The following CC2D2B variants were observed in gnomAD, a reference collection of about 807,000 sequenced individuals.
CC2D2B encodes the protein coiled-coil and C2 domain containing 2B.
Under a neutral mutation model 161.2 loss-of-function variants are expected in CC2D2B, and 128 were observed. The observed-to-expected ratio is 0.79, with a 90% CI of 0.69 to 0.92. CC2D2B has a LOEUF of 0.92. Among genes scored for constraint, CC2D2B ranks in the 40% least tolerant of loss-of-function variants. The pLI, the probability that CC2D2B is intolerant of heterozygous loss-of-function variation, is 0.00. For missense variants in CC2D2B, 1,173 were observed against 1,375.1 expected (o/e 0.85, Z 2.32); for synonymous variants, 391 against 449.8 (o/e 0.87, Z 1.65).
chr10:95,923,492 CT>C (rs1461032165), intron 3 of CC2D2B, among the ~76,000 whole-genome samples: 2 of 152,212 alleles, frequency 1.3e-5, no homozygotes, highest in Non-Finnish European at 2.9e-5. Context: ...ACTTATCACT[CT>C]TCTTTTTTAG....
chr10:95,909,132 C>T (rs1242921854), intron 1 of CC2D2B, among the ~76,000 whole-genome samples: 1 of 152,140 alleles, frequency 6.6e-6, no homozygotes, highest in Non-Finnish European at 1.5e-5. Flanking sequence ...CCGTTTGTTC[C>T]TAAGTTTTGA....
chr10:96,000,333 T>TAATAAATA (rs3030829), intron 24 of CC2D2B: 2,651 of 241,600 alleles, frequency 0.011, 34 homozygotes, highest in East Asian at 0.025. Flanking sequence ...TATTTATTTA[T>TAATAAATA]AATAAATAAA....
At chr10:95,924,259 T>G in intron 3 of CC2D2B, 55 bp from the exon 4 acceptor site, 1 of 894,966 alleles carries the variant, frequency 1.1e-6, no homozygotes, top group Non-Finnish European at 1.7e-6. Flanking sequence ...GCTGCTATTG[T>G]TGTTTAATTA....
chr10:95,909,464 A>G (rs1467321184), intron 1 of CC2D2B, among the ~76,000 whole-genome samples: 2 of 152,256 alleles, frequency 1.3e-5, no homozygotes, highest in Admixed American at 1.3e-4. Context: ...AAACATTGCT[A>G]TAAGAGAGTT....
intron 10 of CC2D2B, among the ~76,000 whole-genome samples, chr10:95,954,198 T>C (rs1034669107): frequency 5.9e-5 from 9 of 152,334 alleles, no homozygotes; most frequent in African/African-American, 1.4e-4. Flanking sequence ...TGTATTTGTG[T>C]ATGTGTATAC....
At chr10:95,998,312 G>T (rs1454943138) in intron 24 of CC2D2B, among the ~76,000 whole-genome samples, 1 of 152,034 alleles carries the variant, frequency 6.6e-6, no homozygotes, top group African/African-American at 2.4e-5. Context: ...TACTCTTGGT[G>T]TTGTACATTC....
At chr10:95,955,913 C>T (rs2076553056) in intron 11 of CC2D2B, among the ~76,000 whole-genome samples, 2 of 152,100 alleles carry the variant, frequency 1.3e-5, no homozygotes, top group Admixed American at 1.3e-4. Context: ...AGTTGGGAGC[C>T]ATTGGCTTAT....
intron 26 of CC2D2B, among the ~76,000 whole-genome samples, chr10:96,011,871 T>A (rs1278588695): frequency 6.6e-6 from 1 of 152,198 alleles, no homozygotes; most frequent in African/African-American, 2.4e-5. Flanking sequence ...ATCTTTTAAC[T>A]TCTTCTCTGA....
At chr10:95,934,599 C>G (rs11188528) in intron 6 of CC2D2B, among the ~76,000 whole-genome samples, 2,338 of 152,242 alleles carry the variant, frequency 0.015, 25 homozygotes, top group Non-Finnish European at 0.027. Flanking sequence ...GAAAAGTGTT[C>G]CTCATGGCAC....
In CC2D2B at chr10:96,025,182, T is replaced by TA. The variant is rs1564684164; in HGVS notation, c.3947+272dup. Among the ~76,000 whole-genome samples, 27 of 13,568 alleles carry TA rather than the reference T, an allele frequency of 2.0e-3. 1 individual carries two copies. Among genetic ancestry groups the TA allele is most frequent in the African/African-American group, 6.8e-3 (23 of 3,396 alleles). The allele number at this position is 13,568 out of a possible 152,430, so 8.9% of individuals were successfully genotyped here. On this transcript the variant is annotated intron_variant, in intron 33 of 34. Transcript: ENST00000646931. ...ATATATATATATATATATATATATA[T>TA]ATAAAAAAAAATATATATATATATA...
intron 9 of CC2D2B, among the ~76,000 whole-genome samples, chr10:95,947,082 A>AAT (rs1297977316): frequency 0.028 from 1,105 of 39,464 alleles, 74 homozygotes; most frequent in Middle Eastern, 0.043. Context: ...TGGACTCAAA[A>AAT]ATATATATAT....
intron 26 of CC2D2B, among the ~76,000 whole-genome samples, chr10:96,010,790 G>T (rs554979782): frequency 1.1e-3 from 162 of 152,210 alleles, no homozygotes; most frequent in African/African-American, 3.7e-3. Flanking sequence ...TTGACAAATT[G>T]GTCAAGCAAA....
intron 11 of CC2D2B, among the ~76,000 whole-genome samples, chr10:95,957,702 A>G (rs567741690): frequency 6.6e-6 from 1 of 151,366 alleles, no homozygotes; most frequent in African/African-American, 2.4e-5. Context: ...CTGGGACTAC[A>G]GGTGTGTGCC....
At chr10:95,920,029 C>T (rs1208608971) in intron 2 of CC2D2B, 1 of 151,620 alleles carries the variant, frequency 6.6e-6, no homozygotes, top group Non-Finnish European at 1.5e-5. Flanking sequence ...TTGGTGAGTC[C>T]TACCAAGCCT....
At chr10:95,998,169 C>T (rs899122003) in intron 24 of CC2D2B, among the ~76,000 whole-genome samples, 3 of 151,800 alleles carry the variant, frequency 2.0e-5, no homozygotes, top group Non-Finnish European at 4.4e-5. Context: ...ACAGAGTTCC[C>T]ACAAATGCCC....
Position 95,999,901 on chromosome 10 carries a change from GCTT to G in CC2D2B, c.2849+3653_2849+3655del, listed in dbSNP as rs1266741498. ...TTGAACCCAGGTACCTTTCTCTCTG[GCTT>G]CTTTTTCTGATCATTTTCCTTCACG... On this transcript the variant is annotated intron_variant, in intron 24 of 34. Transcript: ENST00000646931. The G allele has an allele frequency of 1.2e-5, 6 of 503,616 alleles. No homozygotes were observed. In the East Asian group the frequency reaches 2.4e-4, roughly 20 times the overall value. The allele number at this position is 503,616 out of a possible 1,614,324, so 31.2% of individuals were successfully genotyped here.
chr10:96,012,119 GC>G (rs1009491508), intron 26 of CC2D2B, 65 bp from the exon 27 acceptor site: 1 of 561,796 alleles, frequency 1.8e-6, no homozygotes, highest in African/African-American at 2.0e-5. Context: ...ACTCTGCTGG[GC>G]CTAAATATTT....
intron 6 of CC2D2B, among the ~76,000 whole-genome samples, chr10:95,931,290 G>T (rs1006182048): frequency 1.3e-5 from 2 of 151,934 alleles, no homozygotes; most frequent in South Asian, 2.1e-4. Context: ...TTCTTTATTA[G>T]TCTGGCTAGT....
At position 95,975,465 on chromosome 10, in the gene CC2D2B, A is replaced by G. The variant is rs1212927924; in HGVS notation, c.1943+1309A>G. ...TTTGACAATAAAAAAATGCTAAAAA[A>G]TAACAGAAGACAAAAGAATCAAGGT... On this transcript the variant is annotated intron_variant, in intron 17 of 34. Transcript: ENST00000646931. Among the ~76,000 whole-genome samples the G allele has an allele frequency of 5.9e-5, 9 of 152,232 alleles. No homozygotes were observed. In the East Asian group the frequency reaches 1.7e-3, roughly 29 times the overall value.
Sources: allele counts gnomAD v4.1 joint callset (sites outside exome capture counted in the v4.1 genomes callset), GRCh38; gene constraint gnomAD v4.1.1; transcripts MANE v1.5; gene names NCBI Gene and HGNC (gene_info 2026-07-23, HGNC 2026-07-21).